Variants in GNAS observed in about 807,000 individuals in gnomAD.
GNAS encodes GNAS complex locus.
A neutral mutation model predicts 54.5 loss-of-function variants in GNAS; 8 were observed. The ratio of observed to expected loss-of-function variants is 0.15; its 90% CI spans 0.09 to 0.26. The LOEUF is 0.26. Ranked by LOEUF, GNAS falls within the 10% of genes least tolerant of loss-of-function variation. GNAS has a pLI of 1.00. For synonymous variants in GNAS, 204 were observed against 191.4 expected, an observed-to-expected ratio of 1.07 and a Z score of -0.54; for missense variants, 170 against 529.8, an observed-to-expected ratio of 0.32 and a Z score of 6.67.
chr20:58,903,476 A>T, intron 3 of GNAS, 55 bp from the exon 4 acceptor site: 1 of 1,365,184 alleles, frequency 7.3e-7, no homozygotes, highest in Non-Finnish European at 1.0e-6. Context: ...TGAAAGCAGT[A>T]CTCCTAACTG....
upstream of GNAS, among the ~76,000 whole-genome samples, chr20:58,887,323 C>G (rs893075355): frequency 6.6e-6 from 1 of 152,188 alleles, no homozygotes; most frequent in Non-Finnish European, 1.5e-5. Flanking sequence ...CCTATTCTTC[C>G]CTCTTACAAG....
At chr20:58,905,521 C>T (rs753780005) in intron 6 of GNAS, 41 bp downstream of exon 6, 10 of 1,043,628 alleles carry the variant, frequency 9.6e-6, no homozygotes, top group Non-Finnish European at 1.4e-5. Flanking sequence ...ATAAAACAGA[C>T]AAAAACAAGA....
intron 6 of GNAS, among the ~76,000 whole-genome samples, chr20:58,907,604 G>A (rs1419815555): frequency 1.3e-5 from 2 of 152,118 alleles, no homozygotes; most frequent in Non-Finnish European, 2.9e-5. Context: ...GTCGGGTTTC[G>A]TTTTCTCTCT....
intron 1 of GNAS, among the ~76,000 whole-genome samples, chr20:58,869,668 C>G (rs555688906): frequency 1.2e-3 from 177 of 152,318 alleles, no homozygotes; most frequent in Non-Finnish European, 2.2e-3. Flanking sequence ...CATTGCTTTT[C>G]CATTCATGCA....
In GNAS at chr20:58,853,691, A is replaced by G. The variant is rs779250074; in HGVS notation, c.43+12805A>G. ...TCGGCCCAGCACTCATGGAGCCCGG[A>G]GCCTTCAGTGGTGCCAGACCAGGCC... On this transcript the variant is annotated intron_variant, in intron 1 of 12. Coordinates refer to the GNAS transcript ENST00000306090. This position sits in a 1 kb window ranked among gnomAD's most constrained non-coding sequence, Gnocchi z 4.4. 5.0e-6 allele frequency: 8 copies of G among 1,613,624 alleles called. No homozygotes were observed. In the Admixed American group the frequency reaches 1.2e-4, roughly 24 times the overall value.
At chr20:58,870,941 G>T (rs2087401735) in intron 1 of GNAS, among the ~76,000 whole-genome samples, 1 of 152,162 alleles carries the variant, frequency 6.6e-6, no homozygotes, top group Non-Finnish European at 1.5e-5. Context: ...TGATTTTACT[G>T]ATCATTATCT....
chr20:58,905,357 C>T (rs373382275), intron 5 of GNAS, 26 bp from the exon 6 acceptor site: 5 of 1,345,446 alleles, frequency 3.7e-6, no homozygotes, highest in Non-Finnish European at 5.3e-6. Context: ...TTGCCTTTCT[C>T]TAAACTTTCT....
chr20:58,860,280 G>C (rs561092181), intron 1 of GNAS, among the ~76,000 whole-genome samples: 2 of 148,318 alleles, frequency 1.3e-5, no homozygotes, highest in East Asian at 3.9e-4. Flanking sequence ...GTCTTAGTTT[G>C]TTGGGCTACT....
At chr20:58,899,985 T>C (rs2090459705) in intron 3 of GNAS, 6 of 717,486 alleles carry the variant, frequency 8.4e-6, no homozygotes, top group Non-Finnish European at 1.3e-5. Flanking sequence ...CAGTTTCTCA[T>C]CTTCCCGGCT....
intron 2 of GNAS, chr20:58,897,918 G>A (rs571073401): frequency 4.7e-4 from 72 of 152,344 alleles, no homozygotes; most frequent in African/African-American, 1.6e-3. Flanking sequence ...TGGTCTGGGT[G>A]GTACAGGGTT....
chr20:58,907,409 A>G (rs1407913311), intron 6 of GNAS, among the ~76,000 whole-genome samples: 5 of 152,158 alleles, frequency 3.3e-5, no homozygotes, highest in African/African-American at 1.2e-4. Flanking sequence ...TGGAAGCGCT[A>G]ATTATAGTAA....
At chr20:58,869,531 T>C (rs1229680354) in intron 1 of GNAS, among the ~76,000 whole-genome samples, 1 of 152,196 alleles carries the variant, frequency 6.6e-6, no homozygotes, top group Non-Finnish European at 1.5e-5. Flanking sequence ...AGCTCCAGTT[T>C]CCACCAGGGA....
intron 6 of GNAS, among the ~76,000 whole-genome samples, chr20:58,906,628 T>C (rs2091075563): frequency 6.6e-6 from 1 of 152,086 alleles, no homozygotes; most frequent in Non-Finnish European, 1.5e-5. Flanking sequence ...GCCTCCTGGG[T>C]TCAAGTGATT....
At chr20:58,867,930 C>A (rs2087156036) in intron 1 of GNAS, among the ~76,000 whole-genome samples, 1 of 151,964 alleles carries the variant, frequency 6.6e-6, no homozygotes, top group South Asian at 2.1e-4. Context: ...ACTCAGGTGC[C>A]AGGGATGAAT....
Position 58,853,235 on chromosome 20 carries a change from C to A in GNAS, c.43+12349C>A. 1.3e-6 allele frequency: 2 copies of A among 1,518,810 alleles called. No individual in the cohort carries two copies. Among genetic ancestry groups the A allele is most frequent in the Non-Finnish European group, 1.8e-6 (2 of 1,128,242 alleles). The allele number at this position is 1,518,810 out of a possible 1,614,324, so 94.1% of individuals were successfully genotyped here. A position where few individuals can be genotyped will look rare whatever the true frequency, so the allele number is the denominator to read the frequency against. ...TTGGGTGCTCCATCTTACGGAGCCCCAAACTTATTTTGAGAGGCCGCCACC... is the reference window on the plus strand; with the variant it reads ...TTGGGTGCTCCATCTTACGGAGCCCAAAACTTATTTTGAGAGGCCGCCACC... On this transcript the variant is annotated intron_variant, in intron 1 of 12. Transcript: ENST00000306090. This position sits in a 1 kb window ranked among gnomAD's most constrained non-coding sequence, Gnocchi z 4.4.
intron 1 of GNAS, chr20:58,884,599 G>C (rs1278176888): frequency 4.6e-5 from 7 of 152,164 alleles, no homozygotes; most frequent in Non-Finnish European, 7.3e-5. Context: ...TTTTTAACTA[G>C]TCTCCCTACA....
At chr20:58,893,397 TC>T (rs2089716712) in intron 1 of GNAS, among the ~76,000 whole-genome samples, 1 of 152,204 alleles carries the variant, frequency 6.6e-6, no homozygotes, top group Non-Finnish European at 1.5e-5. Context: ...GTTTTCCACT[TC>T]CTTGATAATT....
intron 1 of GNAS, chr20:58,854,289 GC>G: frequency 1.2e-6 from 2 of 1,608,888 alleles, no homozygotes; most frequent in Non-Finnish European, 1.7e-6. Flanking sequence ...GGTCTCCGGA[GC>G]CCCAGATAAG....
intron 1 of GNAS, among the ~76,000 whole-genome samples, chr20:58,842,774 G>A (rs1025608642): frequency 1.3e-5 from 2 of 152,168 alleles, no homozygotes; most frequent in African/African-American, 2.4e-5. Context: ...CAAGCAAAAT[G>A]TCTCTAGGGA....
Sources: allele counts gnomAD v4.1 joint callset (sites outside exome capture counted in the v4.1 genomes callset), GRCh38; gene constraint gnomAD v4.1.1; non-coding constraint Gnocchi (gnomAD v3.1); transcripts MANE v1.5; gene names NCBI Gene and HGNC (gene_info 2026-07-23, HGNC 2026-07-21).